MAF: variants seen among roughly 807,000 people sequenced by gnomAD.
MAF encodes transcription factor Maf.
Under a neutral mutation model 22.0 loss-of-function variants are expected in MAF, and 10 were observed. The ratio of observed to expected loss-of-function variants is 0.45; its 90% CI spans 0.28 to 0.77. The LOEUF (loss-of-function observed/expected upper bound fraction) is 0.77. MAF is among the 30% of genes least tolerant of loss of function. The pLI is 0.12. For missense variants in MAF, 544 were observed against 548.4 expected (o/e 0.99, Z 0.08); for synonymous variants, 337 against 255.8 (o/e 1.32, Z -3.03).
the MAF span, among the ~76,000 whole-genome samples, chr16:79,271,611 C>G: frequency 1.8e-4 from 27 of 152,268 alleles, no homozygotes; most frequent in African/African-American, 6.3e-4. Context: ...TTTTCTCTCT[C>G]AGATACAAGT....
the MAF span, among the ~76,000 whole-genome samples, chr16:79,510,563 T>G: frequency 6.6e-6 from 1 of 152,124 alleles, no homozygotes; most frequent in Non-Finnish European, 1.5e-5. Context: ...GCACACACTT[T>G]TAAGGCAGTT....
the MAF span, among the ~76,000 whole-genome samples, chr16:79,569,239 A>T: frequency 6.6e-6 from 1 of 152,182 alleles, no homozygotes; most frequent in East Asian, 1.9e-4. Context: ...AATGTTTAGC[A>T]TTATCCCTCG....
the MAF span, among the ~76,000 whole-genome samples, chr16:79,547,904 G>GAGAGAGAGAGACAGAC: frequency 7.4e-6 from 1 of 134,992 alleles, no homozygotes; most frequent in Admixed American, 7.8e-5. Flanking sequence ...GTGTGTGTGA[G>GAGAGAGAGAGACAGAC]AGAGAGAGAG....
At chr16:79,517,297 T>C in the MAF span, among the ~76,000 whole-genome samples, 1 of 152,272 alleles carries the variant, frequency 6.6e-6, no homozygotes, top group African/African-American at 2.4e-5. Flanking sequence ...GTGGGAAACA[T>C]GTGGAGACAA....
chr16:79,223,616 G>C, the MAF span, among the ~76,000 whole-genome samples: 2,721 of 152,114 alleles, frequency 0.018, 55 homozygotes, highest in African/African-American at 0.053. Context: ...CCACTAGCCA[G>C]ATTAATAAAG....
chr16:79,423,626 T>G, the MAF span, among the ~76,000 whole-genome samples: 2 of 152,200 alleles, frequency 1.3e-5, no homozygotes, highest in Admixed American at 1.3e-4. Flanking sequence ...AATAGCAGAA[T>G]TAGGCAGTTT....
the MAF span, among the ~76,000 whole-genome samples, chr16:79,519,979 G>A: frequency 6.6e-6 from 1 of 152,244 alleles, no homozygotes; most frequent in Non-Finnish European, 1.5e-5. Flanking sequence ...CTCTGTCTGT[G>A]CAGGTGGAGT....
chr16:79,534,025 G>C, the MAF span, among the ~76,000 whole-genome samples: 1 of 152,116 alleles, frequency 6.6e-6, no homozygotes, highest in Non-Finnish European at 1.5e-5. Flanking sequence ...CATACTACAA[G>C]CTCATCTTAC....
chr16:79,224,168 G>T, the MAF span, among the ~76,000 whole-genome samples: 1 of 152,066 alleles, frequency 6.6e-6, no homozygotes, highest in Non-Finnish European at 1.5e-5. Flanking sequence ...CACCACGATC[G>T]AGTCAGTTTT....
chr16:79,505,314 G>C, the MAF span, among the ~76,000 whole-genome samples: 1 of 152,122 alleles, frequency 6.6e-6, no homozygotes, highest in Non-Finnish European at 1.5e-5. Context: ...ACAGAGTGAG[G>C]GGCAACTAAG....
chr16:79,545,292 T>C, the MAF span, among the ~76,000 whole-genome samples: 2 of 152,128 alleles, frequency 1.3e-5, no homozygotes, highest in African/African-American at 4.8e-5. Context: ...ATACACAGTG[T>C]CTGTGTACTG....
the MAF span, among the ~76,000 whole-genome samples, chr16:79,313,062 A>G: frequency 2.0e-5 from 3 of 152,170 alleles, no homozygotes; most frequent in Non-Finnish European, 4.4e-5. Flanking sequence ...CAACCTATGC[A>G]CAGACTGCAC....
the MAF span, among the ~76,000 whole-genome samples, chr16:79,458,348 G>C: frequency 6.6e-6 from 1 of 152,112 alleles, no homozygotes; most frequent in Admixed American, 6.6e-5. Flanking sequence ...GGATTTTTCA[G>C]TCACTCTCTA....
At chr16:79,472,002 G>A in the MAF span, among the ~76,000 whole-genome samples, 5 of 152,144 alleles carry the variant, frequency 3.3e-5, no homozygotes, top group Admixed American at 1.3e-4. Flanking sequence ...AGACTCCACA[G>A]CAATTTTTCC....
chr16:79,314,520 G>A, the MAF span, among the ~76,000 whole-genome samples: 2 of 152,194 alleles, frequency 1.3e-5, no homozygotes, highest in African/African-American at 4.8e-5. Flanking sequence ...AGGTCACCGA[G>A]GCAGACATGG....
the MAF span, among the ~76,000 whole-genome samples, chr16:79,464,093 C>A: frequency 1.3e-5 from 2 of 152,150 alleles, no homozygotes; most frequent in African/African-American, 4.8e-5. Context: ...AGCAGAAGTT[C>A]TCCACTCTTA....
At chr16:79,235,915 G>A in the MAF span, among the ~76,000 whole-genome samples, 2 of 151,950 alleles carry the variant, frequency 1.3e-5, no homozygotes, top group Non-Finnish European at 2.9e-5. Context: ...ATCCCTCACT[G>A]CAAGCCAAGC....
chr16:79,240,910 G>A, the MAF span, among the ~76,000 whole-genome samples: 1 of 152,012 alleles, frequency 6.6e-6, no homozygotes, highest in African/African-American at 2.4e-5. Flanking sequence ...AACAGGGTCT[G>A]GAGTGGACCT....
At position 79,600,630 on chromosome 16, in the gene MAF, G is replaced by T. The variant is rs1033419579; in HGVS notation, c.-728C>A. 4 of 197,894 alleles carry T rather than the reference G, an allele frequency of 2.0e-5. No individual in the cohort carries two copies. Among genetic ancestry groups the T allele is most frequent in the Middle Eastern group, 1.9e-3 (1 of 516 alleles). The allele number at this position is 197,894 out of a possible 1,614,324, so 12.3% of individuals were successfully genotyped here. On this transcript the variant is annotated 5_prime_UTR_variant, in exon 1 of 2. Transcript: ENST00000326043. ...AAAAAGCAAAATAGCGAAGTCCTGG[G>T]GAAAGACGAGGCAGAGAGCAAAGGG... is the stretch of plus-strand genomic sequence containing the variant.
Sources: allele counts gnomAD v4.1 joint callset (sites outside exome capture counted in the v4.1 genomes callset), GRCh38; gene constraint gnomAD v4.1.1; transcripts MANE v1.5; gene names NCBI Gene and HGNC (gene_info 2026-07-23, HGNC 2026-07-21).